GTF2A1L: variants seen among roughly 807,000 people sequenced by gnomAD.
The protein encoded by GTF2A1L is general transcription factor IIA subunit 1 like.
A neutral mutation model predicts 49.7 loss-of-function variants in GTF2A1L; 48 were observed. That is an observed-to-expected ratio of 0.97 (90% confidence interval 0.77 to 1.23). The LOEUF (loss-of-function observed/expected upper bound fraction) is 1.23, where lower values mean the gene tolerates loss of function less well. GTF2A1L is among the 50% of genes most tolerant of loss of function. The pLI, the probability that GTF2A1L is intolerant of heterozygous loss-of-function variation, is 0.00. For missense variants in GTF2A1L, 736 were observed against 564.8 expected (o/e 1.30, Z -3.07); for synonymous variants, 246 against 193.5 (o/e 1.27, Z -2.25).
Position 48,671,647 on chromosome 2 carries a change from C to A in GTF2A1L, c.1296C>A (p.Asp432Glu), listed in dbSNP as rs376644351. 24 of 1,613,516 alleles carry A rather than the reference C, an allele frequency of 1.5e-5. No homozygotes were observed. Among genetic ancestry groups the A allele is most frequent in the Non-Finnish European group, 1.9e-5 (22 of 1,179,682 alleles). The change falls in exon 8 of 9, where the codon GAC becomes GAA. Residue 432 changes from aspartate (D) to glutamate (E), a missense_variant. Transcript: ENST00000403751. The stretch of plus-strand genomic sequence containing the variant: ...AACAGGATGTGCCAGACCTGTTTGA[C>A]ACGGATAATGTTATTGTCTGTCAGT... ...VSEQDVPDLFDTDNVIVCQYD... is the reference protein window; with the variant it reads ...VSEQDVPDLFETDNVIVCQYD...
At chr2:48,652,277 C>G (rs979205631) in intron 6 of GTF2A1L, among the ~76,000 whole-genome samples, 4 of 152,064 alleles carry the variant, frequency 2.6e-5, no homozygotes, top group Admixed American at 2.0e-4. Context: ...CATTTTTCAA[C>G]AGAAGATCTT....
intron 1 of GTF2A1L, among the ~76,000 whole-genome samples, chr2:48,618,311 C>G (rs188001477): frequency 2.8e-4 from 43 of 152,252 alleles, no homozygotes; most frequent in African/African-American, 1.0e-3. Context: ...TCTCATGTTA[C>G]CTCCCCACAT....
At chr2:48,624,479 GA>G (rs1676194303) in intron 3 of GTF2A1L, among the ~76,000 whole-genome samples, 1 of 143,766 alleles carries the variant, frequency 7.0e-6, no homozygotes, top group Non-Finnish European at 1.6e-5. Flanking sequence ...TAGATAGATA[GA>G]TAGATAGTGA....
intron 4 of GTF2A1L, among the ~76,000 whole-genome samples, chr2:48,643,417 A>C (rs980664572): frequency 4.6e-5 from 7 of 152,282 alleles, no homozygotes; most frequent in African/African-American, 1.7e-4. Flanking sequence ...GCAAATGCTT[A>C]GTGGGCTAGT....
At chr2:48,658,907 T>C (rs1433680091) in intron 6 of GTF2A1L, among the ~76,000 whole-genome samples, 2 of 152,074 alleles carry the variant, frequency 1.3e-5, no homozygotes, top group African/African-American at 4.8e-5. Context: ...AGCTAGTGCT[T>C]GCTTGTATGA....
intron 6 of GTF2A1L, among the ~76,000 whole-genome samples, chr2:48,649,753 T>G (rs1238259801): frequency 6.6e-6 from 1 of 152,172 alleles, no homozygotes; most frequent in Non-Finnish European, 1.5e-5. Context: ...CCGACTGCCC[T>G]TCACCTATAA....
At chr2:48,678,608 T>C (rs939334828) in intron 8 of GTF2A1L, among the ~76,000 whole-genome samples, 6 of 152,056 alleles carry the variant, frequency 3.9e-5, no homozygotes, top group African/African-American at 1.4e-4. Context: ...TGTTACCTCT[T>C]GAAGTATTAA....
chr2:48,623,493 A>T (rs1676128691), intron 3 of GTF2A1L, among the ~76,000 whole-genome samples: 1 of 152,240 alleles, frequency 6.6e-6, no homozygotes, highest in Non-Finnish European at 1.5e-5. Flanking sequence ...AAATTTGTTC[A>T]GCCACTGGAA....
chr2:48,629,632 C>T (rs1420536540), intron 3 of GTF2A1L, among the ~76,000 whole-genome samples: 4 of 143,400 alleles, frequency 2.8e-5, no homozygotes, highest in Admixed American at 7.1e-5. Context: ...GGAGTATATG[C>T]GGTGAGAAAG....
chr2:48,664,124 T>C (rs1222800402), intron 6 of GTF2A1L, among the ~76,000 whole-genome samples: 1 of 152,124 alleles, frequency 6.6e-6, no homozygotes, highest in Non-Finnish European at 1.5e-5. Context: ...CAGAGTGTTT[T>C]TTTTTCTTGG....
At chr2:48,659,472 T>C (rs1293748074) in intron 6 of GTF2A1L, among the ~76,000 whole-genome samples, 1 of 152,158 alleles carries the variant, frequency 6.6e-6, no homozygotes, top group Admixed American at 6.5e-5. Context: ...CCTTGAGATT[T>C]GAATTTTTGG....
At position 48,626,074 on chromosome 2, in the gene GTF2A1L, C is replaced by G. The variant is rs1176103210; in HGVS notation, c.247+4784C>G. The stretch of plus-strand genomic sequence containing the variant: ...TATGAAAATAAGAGTCCATTTCATT[C>G]TTTTGTGTGTGGAAATTCACTTCTT... On this transcript the variant is annotated intron_variant, in intron 3 of 8. Transcript: ENST00000403751. Among the ~76,000 whole-genome samples, 2 of 143,908 alleles carry G rather than the reference C, an allele frequency of 1.4e-5. 1 individual carries two copies. The highest frequency in any genetic ancestry group is 3.1e-5 in the Non-Finnish European group (2 of 63,936). 94.4% of individuals were successfully genotyped at this position (143,908 alleles called of 152,430 possible).
Position 48,679,583 on chromosome 2 carries a change from A to G in GTF2A1L, c.*141A>G. 2.1e-6 allele frequency: 3 copies of G among 1,425,882 alleles called. No individual in the cohort carries two copies. The Admixed American group carries it at 1.0e-4, about 48-fold the overall frequency. 88.3% of individuals were successfully genotyped at this position (1,425,882 alleles called of 1,614,324 possible). ...ACTGTATGGAATTTAATAAAATTAT[A>G]ATTCAGATGCAGATACAATTACACA... On this transcript the variant is annotated 3_prime_UTR_variant, in exon 9 of 9. Coordinates refer to ENST00000403751, the MANE Select transcript of GTF2A1L (RefSeq NM_006872.5).
chr2:48,653,220 C>CA (rs568400398), intron 6 of GTF2A1L, among the ~76,000 whole-genome samples: 18,253 of 87,868 alleles, frequency 0.21, 2,002 homozygotes, highest in East Asian at 0.34. Context: ...GACTCTGTCT[C>CA]AAAAAAAAAA....
chr2:48,640,749 CTT>C (rs563866636), intron 3 of GTF2A1L, among the ~76,000 whole-genome samples: 1 of 152,064 alleles, frequency 6.6e-6, no homozygotes, highest in Non-Finnish European at 1.5e-5. Flanking sequence ...AGTTATGACA[CTT>C]TTAGTTTGAG....
intron 6 of GTF2A1L, among the ~76,000 whole-genome samples, chr2:48,647,527 G>A (rs6733982): frequency 0.99 from 150,067 of 152,184 alleles, 74,004 homozygotes; most frequent in East Asian, 1. Context: ...CCAGTAGTTT[G>A]TGGAATGTTT....
chr2:48,653,690 T>C (rs998745725), intron 6 of GTF2A1L, among the ~76,000 whole-genome samples: 1 of 152,150 alleles, frequency 6.6e-6, no homozygotes, highest in East Asian at 1.9e-4. Flanking sequence ...CCCAGCACTT[T>C]GGGAGACTGA....
intron 6 of GTF2A1L, among the ~76,000 whole-genome samples, chr2:48,663,519 C>G (rs972603081): frequency 5.9e-5 from 9 of 152,078 alleles, no homozygotes; most frequent in Admixed American, 4.6e-4. Context: ...AAAACAATGT[C>G]CCTAGAAGTA....
chr2:48,656,346 C>CTGTTTTTTTTT (rs1678168069), intron 6 of GTF2A1L, among the ~76,000 whole-genome samples: 2 of 69,368 alleles, frequency 2.9e-5, no homozygotes, highest in African/African-American at 6.9e-5. Flanking sequence ...CGCTTATTTT[C>CTGTTTTTTTTT]TGTTTTTTTT....
Sources: gnomAD v4.1 joint callset for allele counts (sites outside exome capture counted in the v4.1 genomes callset) on GRCh38, gnomAD v4.1.1 for gene constraint, MANE v1.5 for transcripts, NCBI Gene and HGNC (gene_info 2026-07-23, HGNC 2026-07-21) for gene names.